Variants in TRPC6 observed in about 807,000 individuals in gnomAD.
The protein encoded by TRPC6 is short transient receptor potential channel 6.
Under a neutral mutation model 90.7 loss-of-function variants are expected in TRPC6, and 55 were observed. The observed-to-expected ratio is 0.61, with a 90% CI of 0.49 to 0.76. The LOEUF is 0.76. Ranked by LOEUF, TRPC6 falls within the 30% of genes least tolerant of loss-of-function variation. The pLI is 0.00. For missense variants in TRPC6, 989 were observed against 1,122.7 expected, an observed-to-expected ratio of 0.88 and a Z score of 1.70; for synonymous variants, 393 against 393.0, an observed-to-expected ratio of 1.00 and a Z score of 0.00.
chr11:101,533,240 G>A (rs1374092606), intron 1 of TRPC6, among the ~76,000 whole-genome samples: 1 of 152,146 alleles, frequency 6.6e-6, no homozygotes, highest in Non-Finnish European at 1.5e-5. Context: ...TCATGGTTCT[G>A]CAGGCTGTAT....
chr11:101,550,525 C>G (rs979368295), intron 1 of TRPC6, among the ~76,000 whole-genome samples: 1 of 151,472 alleles, frequency 6.6e-6, no homozygotes, highest in African/African-American at 2.4e-5. Flanking sequence ...TTTTCATAAC[C>G]TTAAAACACA....
chr11:101,453,767 T>A, intron 11 of TRPC6, 42 bp from the exon 12 acceptor site: 1 of 1,567,212 alleles, frequency 6.4e-7, no homozygotes, highest in Non-Finnish European at 8.8e-7. Flanking sequence ...AGTTTCAGGT[T>A]CATGACAAAT....
intron 1 of TRPC6, among the ~76,000 whole-genome samples, chr11:101,550,583 G>T (rs1861428302): frequency 6.6e-6 from 1 of 151,530 alleles, no homozygotes; most frequent in South Asian, 2.1e-4. Context: ...AATTTCAACA[G>T]CAAAATCTGT....
At chr11:101,563,457 G>A (rs1861759709) in intron 1 of TRPC6, among the ~76,000 whole-genome samples, 2 of 152,266 alleles carry the variant, frequency 1.3e-5, no homozygotes, top group East Asian at 1.9e-4. Flanking sequence ...GAAGCTTAAG[G>A]AGTCTTGAAG....
chr11:101,555,679 G>C (rs1466657078), intron 1 of TRPC6, among the ~76,000 whole-genome samples: 1 of 152,164 alleles, frequency 6.6e-6, no homozygotes, highest in African/African-American at 2.4e-5. Context: ...ATGTAAAACA[G>C]ATGTCAAAGA....
chr11:101,531,892 C>A (rs551207348), intron 1 of TRPC6, among the ~76,000 whole-genome samples: 1 of 152,164 alleles, frequency 6.6e-6, no homozygotes, highest in Non-Finnish European at 1.5e-5. Context: ...CCTAAGCATT[C>A]TCTCCCTCTC....
At chr11:101,505,280 G>A (rs1329876892) in intron 1 of TRPC6, among the ~76,000 whole-genome samples, 1 of 152,110 alleles carries the variant, frequency 6.6e-6, no homozygotes, top group East Asian at 1.9e-4. Flanking sequence ...GGCCAATAGT[G>A]AAAAAACAAA....
chr11:101,526,255 G>C (rs1026245716), intron 1 of TRPC6, among the ~76,000 whole-genome samples: 2 of 152,132 alleles, frequency 1.3e-5, no homozygotes, highest in Non-Finnish European at 2.9e-5. Context: ...CTCCAGTAGA[G>C]AGAAGACCAC....
chr11:101,496,146 G>A (rs983264904), intron 2 of TRPC6, among the ~76,000 whole-genome samples: 7 of 152,180 alleles, frequency 4.6e-5, no homozygotes, highest in African/African-American at 1.7e-4. Flanking sequence ...AATCTCATGA[G>A]AACTCACTCA....
At chr11:101,578,960 T>C (rs1862131522) in intron 1 of TRPC6, among the ~76,000 whole-genome samples, 1 of 152,156 alleles carries the variant, frequency 6.6e-6, no homozygotes, top group African/African-American at 2.4e-5. Context: ...TTAAATGATA[T>C]GTTTAAATGG....
chr11:101,533,689 G>A (rs1304188782), intron 1 of TRPC6, among the ~76,000 whole-genome samples: 1 of 152,138 alleles, frequency 6.6e-6, no homozygotes, highest in East Asian at 1.9e-4. Context: ...CTGGGGCTTT[G>A]CTTAAGTTTT....
chr11:101,556,698 C>G (rs1169758010), intron 1 of TRPC6, among the ~76,000 whole-genome samples: 1 of 152,108 alleles, frequency 6.6e-6, no homozygotes, highest in African/African-American at 2.4e-5. Context: ...CTTCCAAACT[C>G]TTTTTAAGAA....
intron 9 of TRPC6, among the ~76,000 whole-genome samples, chr11:101,470,039 A>AATG (rs1274663640): frequency 6.6e-6 from 1 of 152,212 alleles, no homozygotes; most frequent in African/African-American, 2.4e-5. Context: ...CCTTTTATTT[A>AATG]ATGATAGAAT....
At chr11:101,527,888 A>G (rs983291891) in intron 1 of TRPC6, among the ~76,000 whole-genome samples, 14 of 152,128 alleles carry the variant, frequency 9.2e-5, no homozygotes, top group Admixed American at 9.2e-4. Context: ...CCTGGCCAAC[A>G]TGGTGTAACC....
intron 1 of TRPC6, among the ~76,000 whole-genome samples, chr11:101,521,066 G>T (rs1020222399): frequency 6.6e-6 from 1 of 152,210 alleles, no homozygotes; most frequent in Non-Finnish European, 1.5e-5. Context: ...AATTAAAGCT[G>T]GCTGCAGAAA....
intron 1 of TRPC6, among the ~76,000 whole-genome samples, chr11:101,550,013 A>G (rs531831041): frequency 1.3e-5 from 2 of 151,796 alleles, no homozygotes; most frequent in African/African-American, 4.8e-5. Flanking sequence ...GATGACACAG[A>G]AAGTGGAACA....
rs190272964 is a variant in TRPC6 at position 101,519,387 on chromosome 11, A to G, written c.171-14589T>C. ...AATAAGATAAATAAAGCAACCTCTA[A>G]GGACCCTTCCAGTTAATACAACATT... On this transcript the variant is annotated intron_variant, in intron 1 of 12. Coordinates refer to ENST00000344327, the MANE Select transcript of TRPC6 (RefSeq NM_004621.6). Among the ~76,000 whole-genome samples the G allele has an allele frequency of 6.4e-4, 98 of 152,290 alleles. 3 individuals are homozygous for G. The highest frequency in any genetic ancestry group is 3.9e-4 in the Admixed American group (6 of 15,296).
chr11:101,581,600 C>T (rs7121108), intron 1 of TRPC6, among the ~76,000 whole-genome samples: 15,190 of 145,572 alleles, frequency 0.1, 805 homozygotes, highest in African/African-American at 0.12. Flanking sequence ...ACCTATAACC[C>T]TCAGACATCG....
intron 1 of TRPC6, among the ~76,000 whole-genome samples, chr11:101,548,474 A>ATC (rs1266907141): frequency 0.15 from 10,308 of 67,078 alleles, 893 homozygotes; most frequent in East Asian, 0.62. Context: ...ATATATATAT[A>ATC]TATCTCTCTC....
Sources: allele counts gnomAD v4.1 joint callset (sites outside exome capture counted in the v4.1 genomes callset), GRCh38; gene constraint gnomAD v4.1.1; transcripts MANE v1.5; gene names NCBI Gene and HGNC (gene_info 2026-07-23, HGNC 2026-07-21).